Variants in TRDN observed in about 807,000 individuals in gnomAD.
TRDN encodes triadin in skeletal muscle.
A neutral mutation model predicts 149.7 loss-of-function variants in TRDN; 161 were observed. The ratio of observed to expected loss-of-function variants is 1.08; its 90% CI spans 0.95 to 1.23. The LOEUF is 1.23. TRDN is among the 50% of genes most tolerant of loss of function. TRDN has a pLI of 0.00. For synonymous variants in TRDN, 294 were observed against 250.5 expected, an observed-to-expected ratio of 1.17 and a Z score of -1.64; for missense variants, 896 against 823.5, an observed-to-expected ratio of 1.09 and a Z score of -1.08.
intron 16 of TRDN, among the ~76,000 whole-genome samples, chr6:123,378,655 A>G (rs1335809590): frequency 6.6e-6 from 1 of 152,186 alleles, no homozygotes; most frequent in African/African-American, 2.4e-5. Context: ...AGAAAGATGA[A>G]GATTAGCACA....
At chr6:123,500,818 G>C (rs1778666405) in intron 8 of TRDN, among the ~76,000 whole-genome samples, 1 of 152,162 alleles carries the variant, frequency 6.6e-6, no homozygotes, top group Admixed American at 6.5e-5. Flanking sequence ...ATGTGGTCCA[G>C]TACTCTATAA....
rs1583264951 is a variant in TRDN, at chr6:123,571,105, A to G, written c.50T>C (p.Ile17Thr). 12 of 1,613,942 alleles carry G rather than the reference A, an allele frequency of 7.4e-6. No homozygotes were observed. Among genetic ancestry groups the G allele is most frequent in the Non-Finnish European group, 1.0e-5 (12 of 1,179,844 alleles). ...GGGCACAGATCCATTTTTGCTGTCT[A>G]TCACAGTTGTGGTTGTAGATGCATT... is the stretch of plus-strand genomic sequence containing the variant. ...EGNASTTTTV[I>T]DSKNGSVPKS... Residue 17 changes from isoleucine (I) to threonine (T), a missense_variant, in exon 2 of 41, where the codon ATA becomes ACA. Ile to Thr is a moderately conservative substitution (Grantham distance 89, BLOSUM62 -1). Coordinates refer to ENST00000334268, the MANE Select transcript of TRDN (RefSeq NM_006073.4).
At chr6:123,266,357 T>G (rs1353103248) in intron 32 of TRDN, among the ~76,000 whole-genome samples, 2 of 114,236 alleles carry the variant, frequency 1.8e-5, no homozygotes, top group African/African-American at 3.7e-5. Context: ...ATAATATATA[T>G]ATTATGATAT....
chr6:123,622,338 CACACACACAG>C lies in TRDN; in HGVS notation c.22+14406_22+14415del, dbSNP rs1011917888. Among the ~76,000 whole-genome samples the C allele has an allele frequency of 1.9e-3, 256 of 131,842 alleles. 1 individual carries two copies. Among genetic ancestry groups the C allele is most frequent in the South Asian group, 1.0e-2 (38 of 3,806 alleles). 86.5% of individuals were successfully genotyped at this position (131,842 alleles called of 152,430 possible). On this transcript the variant is annotated intron_variant, in intron 1 of 40. Transcript: ENST00000334268. ...ATACAGACACACACACACACACACACACACACACAGGCACACGCACACACATATAACATAC... is the reference window on the plus strand; with the variant it reads ...ATACAGACACACACACACACACACACGCACACGCACACACATATAACATAC...
intron 38 of TRDN, among the ~76,000 whole-genome samples, chr6:123,227,599 C>G (rs966534200): frequency 5.3e-5 from 8 of 152,022 alleles, no homozygotes; most frequent in African/African-American, 1.9e-4. Context: ...GAGATCATCA[C>G]TTTTAATTTT....
chr6:123,542,444 T>G (rs1172367416), intron 4 of TRDN, among the ~76,000 whole-genome samples: 1 of 152,230 alleles, frequency 6.6e-6, no homozygotes, highest in Non-Finnish European at 1.5e-5. Context: ...GATTATTCTT[T>G]CTTAACTTTA....
intron 38 of TRDN, among the ~76,000 whole-genome samples, chr6:123,238,864 C>G (rs939877263): frequency 6.6e-6 from 1 of 152,070 alleles, no homozygotes; most frequent in African/African-American, 2.4e-5. Context: ...GTTTTTGACA[C>G]GGAGTCTCAC....
At chr6:123,518,996 G>A (rs535685749) in intron 5 of TRDN, among the ~76,000 whole-genome samples, 49 of 152,296 alleles carry the variant, frequency 3.2e-4, no homozygotes, top group Admixed American at 2.4e-3. Context: ...TCGCTTGAGC[G>A]TCTCTGCTTA....
intron 24 of TRDN, among the ~76,000 whole-genome samples, chr6:123,314,851 G>T (rs1186195224): frequency 6.6e-6 from 1 of 151,932 alleles, no homozygotes; most frequent in Non-Finnish European, 1.5e-5. Flanking sequence ...GGAGGGTGGA[G>T]GGTGGGAGGA....
intron 12 of TRDN, among the ~76,000 whole-genome samples, chr6:123,435,686 T>C (rs1774530244): frequency 6.6e-6 from 1 of 152,094 alleles, no homozygotes; most frequent in Non-Finnish European, 1.5e-5. Flanking sequence ...AAAGTAAAAA[T>C]GACAAGCATA....
chr6:123,391,473 G>T (rs6931629), intron 13 of TRDN, among the ~76,000 whole-genome samples: 3,125 of 151,814 alleles, frequency 0.021, 112 homozygotes, highest in African/African-American at 0.07. Flanking sequence ...CCTAGTTGAG[G>T]TTATTGTCTC....
chr6:123,520,702 AT>A (rs1339796359), intron 5 of TRDN, among the ~76,000 whole-genome samples: 1 of 152,180 alleles, frequency 6.6e-6, no homozygotes, highest in Non-Finnish European at 1.5e-5. Flanking sequence ...TTCAAATTCA[AT>A]TTAAATGTAT....
chr6:123,609,777 T>C (rs1784703770), intron 1 of TRDN, among the ~76,000 whole-genome samples: 1 of 152,172 alleles, frequency 6.6e-6, no homozygotes, highest in African/African-American at 2.4e-5. Context: ...ATCATGATAT[T>C]GCGTGCATGA....
At chr6:123,587,866 G>C (rs1282131533) in intron 1 of TRDN, among the ~76,000 whole-genome samples, 1 of 152,142 alleles carries the variant, frequency 6.6e-6, no homozygotes, top group Non-Finnish European at 1.5e-5. Flanking sequence ...ACAAGACAAT[G>C]TCATCAGTTA....
At chr6:123,558,539 T>C (rs1473522857) in intron 2 of TRDN, among the ~76,000 whole-genome samples, 2 of 152,140 alleles carry the variant, frequency 1.3e-5, no homozygotes, top group African/African-American at 4.8e-5. Context: ...TCATCAAATA[T>C]GAAAAACCCA....
chr6:123,343,979 C>T lies in TRDN; in HGVS notation c.1370-6310G>A, dbSNP rs1005122461. Among the ~76,000 whole-genome samples the T allele has an allele frequency of 2.0e-5, 3 of 151,940 alleles. No individual in the cohort carries two copies. In the East Asian group the frequency reaches 5.8e-4, roughly 29 times the overall value. ...AGTGGTCTTAGAAAAATAAAAGGAA[C>T]CCCAGAGAGCTCTCTTGCCCTCTTT... is the stretch of plus-strand genomic sequence containing the variant. On this transcript the variant is annotated intron_variant, in intron 21 of 40. Coordinates refer to ENST00000334268, the MANE Select transcript of TRDN (RefSeq NM_006073.4).
rs1453016823 is a variant in TRDN at position 123,548,631 on chromosome 6, A to G, written c.233-19T>C. ...GAGCTTGCTAAAAGTAATTAAAAAA[A>G]AAAAAAAAGAAAAAGTTTGTGATCA... On this transcript the variant is annotated intron_variant, in intron 2 of 40. Transcript: ENST00000334268. 7.4e-7 allele frequency: 1 copy of G among 1,349,294 alleles called. No individual in the cohort carries two copies. Among genetic ancestry groups the G allele is most frequent in the Non-Finnish European group, 9.6e-7 (1 of 1,044,886 alleles). The allele number at this position is 1,349,294 out of a possible 1,614,324, so 83.6% of individuals were successfully genotyped here.
At chr6:123,456,123 T>G (rs557603320) in intron 10 of TRDN, among the ~76,000 whole-genome samples, 50 of 152,350 alleles carry the variant, frequency 3.3e-4, no homozygotes, top group African/African-American at 1.1e-3. Context: ...ATAGCTATTT[T>G]AAAATATGAT....
In TRDN at chr6:123,473,375, G is replaced by A. The variant is rs892863305; in HGVS notation, c.854-8392C>T. Among the ~76,000 whole-genome samples, 529 of 151,788 alleles carry A rather than the reference G, an allele frequency of 3.5e-3. 2 individuals are homozygous for A. The highest frequency in any genetic ancestry group is 0.011 in the African/African-American group (466 of 41,440). On this transcript the variant is annotated intron_variant, in intron 9 of 40. Transcript: ENST00000334268. The stretch of plus-strand genomic sequence containing the variant: ...GAAGATGAAATGAATGAAATGAAGC[G>A]AGAAGGGAAGTTTAGAGAAAAAAGA...
Sources: gnomAD v4.1 joint callset for allele counts (sites outside exome capture counted in the v4.1 genomes callset) on GRCh38, gnomAD v4.1.1 for gene constraint, MANE v1.5 for transcripts, NCBI Gene and HGNC (gene_info 2026-07-23, HGNC 2026-07-21) for gene names.